The following TBC1D19 variants were observed in gnomAD, a reference collection of about 807,000 sequenced individuals.
TBC1D19 encodes TBC1 domain family, member 19.
In TBC1D19, 60 loss-of-function variants were observed where a neutral mutation model predicts 89.0. The ratio of observed to expected loss-of-function variants is 0.67; its 90% CI spans 0.55 to 0.84. The LOEUF (loss-of-function observed/expected upper bound fraction) is 0.84, where lower values mean the gene tolerates loss of function less well. Ranked by LOEUF, TBC1D19 falls within the 40% of genes least tolerant of loss-of-function variation. The pLI is 0.00. For synonymous variants in TBC1D19, 189 were observed against 199.7 expected, an observed-to-expected ratio of 0.95 and a Z score of 0.45; for missense variants, 500 against 610.8, an observed-to-expected ratio of 0.82 and a Z score of 1.91.
At chr4:26,592,435 G>T (rs1260250106) in intron 1 of TBC1D19, among the ~76,000 whole-genome samples, 1 of 152,140 alleles carries the variant, frequency 6.6e-6, no homozygotes, top group Non-Finnish European at 1.5e-5. Context: ...GCACAAGACA[G>T]GATGCCCTCT....
At chr4:26,751,475 G>A (rs2109334112) in intron 19 of TBC1D19, among the ~76,000 whole-genome samples, 1 of 152,176 alleles carries the variant, frequency 6.6e-6, no homozygotes, top group East Asian at 1.9e-4. Context: ...AAAAATTGTT[G>A]GTCTACAGAA....
At chr4:26,708,707 C>T (rs973181000) in intron 13 of TBC1D19, among the ~76,000 whole-genome samples, 1 of 151,900 alleles carries the variant, frequency 6.6e-6, no homozygotes, top group Non-Finnish European at 1.5e-5. Flanking sequence ...ATTTCCCTAT[C>T]TTCAAGTTTG....
intron 13 of TBC1D19, among the ~76,000 whole-genome samples, chr4:26,700,308 C>T (rs552311597): frequency 3.3e-5 from 5 of 152,182 alleles, no homozygotes; most frequent in Non-Finnish European, 7.4e-5. Flanking sequence ...ATATCCATAC[C>T]CAGACATATC....
intron 4 of TBC1D19, among the ~76,000 whole-genome samples, chr4:26,625,576 C>T (rs1742338147): frequency 6.6e-6 from 1 of 152,034 alleles, no homozygotes; most frequent in South Asian, 2.1e-4. Context: ...TTGTTCTGAC[C>T]CAGGATCTCA....
chr4:26,852,604 A>G, the TBC1D19 span, among the ~76,000 whole-genome samples: 2 of 152,018 alleles, frequency 1.3e-5, no homozygotes, highest in Admixed American at 6.5e-5. Flanking sequence ...TTCAGAATTT[A>G]CCAAGAAGTC....
At chr4:26,610,717 C>T (rs554584975) in intron 1 of TBC1D19, among the ~76,000 whole-genome samples, 3 of 151,940 alleles carry the variant, frequency 2.0e-5, no homozygotes, top group African/African-American at 4.8e-5. Flanking sequence ...TTTTTCTGTC[C>T]CTGCTGTTAG....
At chr4:26,833,104 C>T in the TBC1D19 span, among the ~76,000 whole-genome samples, 4 of 152,176 alleles carry the variant, frequency 2.6e-5, no homozygotes, top group Non-Finnish European at 4.4e-5. Context: ...CTGCCCACTG[C>T]CATCAAGGAG....
upstream of TBC1D19, among the ~76,000 whole-genome samples, chr4:26,583,298 C>T (rs1195191914): frequency 6.6e-6 from 1 of 152,084 alleles, no homozygotes; most frequent in East Asian, 1.9e-4. Context: ...TTGTGCATTT[C>T]CTTGAAGGCA....
At chr4:26,824,208 G>A in the TBC1D19 span, among the ~76,000 whole-genome samples, 990 of 152,330 alleles carry the variant, frequency 6.5e-3, 14 homozygotes, top group African/African-American at 0.022. Context: ...AGAGAACAAA[G>A]ACGAGAGATA....
At chr4:26,750,890 G>A (rs1027936015) in intron 19 of TBC1D19, among the ~76,000 whole-genome samples, 21 of 152,290 alleles carry the variant, frequency 1.4e-4, no homozygotes, top group African/African-American at 4.6e-4. Flanking sequence ...GATCAAGTGG[G>A]TTACTATGTA....
the TBC1D19 span, among the ~76,000 whole-genome samples, chr4:26,786,326 T>C: frequency 6.6e-6 from 1 of 152,104 alleles, no homozygotes; most frequent in African/African-American, 2.4e-5. Context: ...TTCTTAGAGC[T>C]TCCAGTCTAG....
chr4:26,764,334 C>T, the TBC1D19 span, among the ~76,000 whole-genome samples: 1 of 152,234 alleles, frequency 6.6e-6, no homozygotes, highest in East Asian at 1.9e-4. Context: ...CAGTTCTGCA[C>T]TGCTCCTCTA....
At chr4:26,749,678 C>T (rs1363370848) in intron 19 of TBC1D19, among the ~76,000 whole-genome samples, 1 of 152,036 alleles carries the variant, frequency 6.6e-6, no homozygotes, top group Non-Finnish European at 1.5e-5. Context: ...AACTCCTGAC[C>T]TCAAGTGATC....
At chr4:26,744,536 A>G (rs538218861) in intron 18 of TBC1D19, among the ~76,000 whole-genome samples, 1 of 151,964 alleles carries the variant, frequency 6.6e-6, no homozygotes, top group East Asian at 1.9e-4. Context: ...CCCTCAAATT[A>G]CTTATTTACC....
chr4:26,673,814 A>G lies in TBC1D19; in HGVS notation c.742A>G (p.Ile248Val), dbSNP rs754415947. ...AGATAGTGCTGCTGCTCAACAGTAC[A>G]TCAGACAAGGAAGTCCCACGGCACT... ...EQDSAAAQQY[I>V]RQGSPTALRA... Residue 248 changes from isoleucine to valine, a missense_variant, in exon 11 of 21, where the codon ATC (isoleucine) becomes GTC (valine). Around this residue, in one of 2 missense-constraint regions of TBC1D19, gnomAD observed 280 missense variants for 291.7 expected, o/e 0.96. Coordinates refer to ENST00000264866, the MANE Select transcript of TBC1D19 (RefSeq NM_018317.4). The G allele has an allele frequency of 6.2e-7, 1 of 1,611,958 alleles. No individual in the cohort carries two copies.
chr4:26,853,680 G>A, the TBC1D19 span, among the ~76,000 whole-genome samples: 13 of 152,174 alleles, frequency 8.5e-5, no homozygotes, highest in African/African-American at 3.1e-4. Flanking sequence ...TGGTATTACA[G>A]GTGTGCACCA....
chr4:26,837,083 A>G, the TBC1D19 span, among the ~76,000 whole-genome samples: 1 of 152,114 alleles, frequency 6.6e-6, no homozygotes, highest in East Asian at 1.9e-4. Flanking sequence ...CAGAATGGGA[A>G]TGTTTGGAGG....
intron 9 of TBC1D19, among the ~76,000 whole-genome samples, chr4:26,671,731 A>G (rs1007230175): frequency 2.6e-5 from 4 of 151,826 alleles, no homozygotes; most frequent in African/African-American, 9.7e-5. Flanking sequence ...GAAGCTGTCA[A>G]TAAGTTTTGT....
At chr4:26,764,811 T>C in the TBC1D19 span, among the ~76,000 whole-genome samples, 1 of 152,132 alleles carries the variant, frequency 6.6e-6, no homozygotes, top group East Asian at 1.9e-4. Flanking sequence ...AAAGTAAAAG[T>C]GCTTCTGAGA....
Sources: gnomAD v4.1 joint callset for allele counts (sites outside exome capture counted in the v4.1 genomes callset) on GRCh38, gnomAD v4.1.1 for gene constraint, gnomAD v4.1.1 regional missense constraint, MANE v1.5 for transcripts, NCBI Gene and HGNC (gene_info 2026-07-23, HGNC 2026-07-21) for gene names.